MAP4K3: variants seen among roughly 807,000 people sequenced by gnomAD.
The protein encoded by MAP4K3 is mitogen-activated protein kinase kinase kinase kinase 3.
In MAP4K3, 94 loss-of-function variants were observed where a neutral mutation model predicts 143.5. That is an observed-to-expected ratio of 0.65 (90% confidence interval 0.55 to 0.78). The LOEUF (loss-of-function observed/expected upper bound fraction) is 0.78, where lower values mean the gene tolerates loss of function less well. Among genes scored for constraint, MAP4K3 ranks in the 30% least tolerant of loss-of-function variants. The pLI is 0.00. For missense variants in MAP4K3, 1,077 were observed against 1,068.1 expected, an observed-to-expected ratio of 1.01 and a Z score of -0.12; for synonymous variants, 416 against 347.2, an observed-to-expected ratio of 1.20 and a Z score of -2.20.
intron 3 of MAP4K3, among the ~76,000 whole-genome samples, chr2:39,352,540 T>C (rs1296924262): frequency 2.0e-5 from 3 of 152,214 alleles, no homozygotes; most frequent in East Asian, 3.8e-4. Context: ...TACACAAACA[T>C]ATATATTCAG....
chr2:39,405,435 C>A (rs370046737), intron 1 of MAP4K3, among the ~76,000 whole-genome samples: 1 of 152,242 alleles, frequency 6.6e-6, no homozygotes, highest in South Asian at 2.1e-4. Flanking sequence ...TCTGCAAGGC[C>A]TTCCCAAGAA....
rs193110316 is a variant in MAP4K3 at position 39,319,346 on chromosome 2, C to T, written c.919-3958G>A. Among the ~76,000 whole-genome samples, 13 of 152,082 alleles carry T rather than the reference C, an allele frequency of 8.5e-5. No homozygotes were observed. The East Asian group carries it at 2.1e-3, about 25-fold the overall frequency. ...AAAACCTTATTGTTTCTTCATTCCA[C>T]GTACAGTTTATCCTTGAACAAAAGT... On this transcript the variant is annotated intron_variant, in intron 12 of 33. Transcript: ENST00000263881.
chr2:39,380,564 G>A (rs1207432473), intron 1 of MAP4K3, among the ~76,000 whole-genome samples: 1 of 152,002 alleles, frequency 6.6e-6, no homozygotes, highest in East Asian at 1.9e-4. Context: ...TTCAGAATAT[G>A]TAACATAAAA....
chr2:39,321,997 TGTTGAACGCTG>T (rs989915391), intron 12 of MAP4K3, among the ~76,000 whole-genome samples: 7 of 152,218 alleles, frequency 4.6e-5, no homozygotes, highest in African/African-American at 1.7e-4. Flanking sequence ...ATCCTCCATA[TGTTGAACGCTG>T]GTCCCCTGGG....
At chr2:39,293,818 C>A (rs142749252) in intron 16 of MAP4K3, 3,014 of 153,358 alleles carry the variant, frequency 0.02, 46 homozygotes, top group Non-Finnish European at 0.027. Flanking sequence ...TAGCACTTTG[C>A]TTTCACGGAA....
chr2:39,285,905 T>G (rs1158185786), intron 21 of MAP4K3, among the ~76,000 whole-genome samples: 1 of 152,248 alleles, frequency 6.6e-6, no homozygotes, highest in Non-Finnish European at 1.5e-5. Flanking sequence ...TACAAATGTT[T>G]AAAATGTTTC....
chr2:39,393,751 C>T (rs982898030), intron 1 of MAP4K3, among the ~76,000 whole-genome samples: 12 of 152,060 alleles, frequency 7.9e-5, no homozygotes, highest in Admixed American at 5.2e-4. Flanking sequence ...GTTCCAGGAC[C>T]CTTGAGTGTA....
intron 12 of MAP4K3, 110 bp from the exon 13 acceptor site, chr2:39,315,498 G>A: frequency 5.6e-6 from 4 of 710,110 alleles, no homozygotes; most frequent in South Asian, 4.1e-5. Context: ...AAAAATGAAA[G>A]CAAAACAGCA....
intron 21 of MAP4K3, 92 bp from the exon 22 acceptor site, chr2:39,282,646 C>T (rs929313692): frequency 9.7e-6 from 8 of 826,680 alleles, no homozygotes; most frequent in Admixed American, 4.4e-5. Flanking sequence ...AAATAAAATA[C>T]ATGAATACAT....
intron 12 of MAP4K3, among the ~76,000 whole-genome samples, chr2:39,319,008 A>C (rs182646247): frequency 1.6e-3 from 248 of 152,260 alleles, no homozygotes; most frequent in Admixed American, 3.3e-3. Context: ...ACTTGGGATT[A>C]AAGGGTGTTA....
At chr2:39,346,764 T>C (rs1434433293) in intron 3 of MAP4K3, among the ~76,000 whole-genome samples, 4 of 152,180 alleles carry the variant, frequency 2.6e-5, no homozygotes, top group Non-Finnish European at 4.4e-5. Context: ...GCTTAAGTAA[T>C]ATTACAAATA....
Position 39,343,399 on chromosome 2 carries a change from T to C in MAP4K3, c.299A>G (p.Asp100Gly). 6.2e-7 allele frequency: 1 copy of C among 1,612,762 alleles called. No individual in the cohort carries two copies. The highest frequency in any genetic ancestry group is 8.5e-7 in the Non-Finnish European group (1 of 1,179,214). ...AACTTTGGTCTTACCGTGATAAATA[T>C]CCTGTAAAGAACCACCTCCACAAAA... The part of the protein sequence containing the change: ...MEFCGGGSLQ[D>G]IYHVTGPLSE... Residue 100 changes from aspartate (D) to glycine (G), a missense_variant, in exon 4 of 34, where the codon GAT (aspartate) becomes GGT (glycine). By Grantham distance (94) the Asp-to-Gly change is moderately conservative. Coordinates refer to ENST00000263881, the MANE Select transcript of MAP4K3 (RefSeq NM_003618.4).
intron 31 of MAP4K3, among the ~76,000 whole-genome samples, chr2:39,256,543 TTACA>T: frequency 6.6e-6 from 1 of 152,224 alleles, no homozygotes; most frequent in Non-Finnish European, 1.5e-5. Flanking sequence ...GTATTGTGTA[TTACA>T]TAAATACATT....
chr2:39,288,134 T>C lies in MAP4K3; in HGVS notation c.1461A>G (p.Lys487=). The C allele has an allele frequency of 9.9e-6, 16 of 1,613,850 alleles. No individual in the cohort carries two copies. Among genetic ancestry groups the C allele is most frequent in the Non-Finnish European group, 1.4e-5 (16 of 1,179,930 alleles). Reference sequence around the variant, plus strand: ...CTCCACCATTACCTAAGGCAACAGGTTTGTGTGGGGGTAATCTGGGAGGTG... The same window carrying C: ...CTCCACCATTACCTAAGGCAACAGGCTTGTGTGGGGGTAATCTGGGAGGTG... The part of the protein sequence containing the change: ...RPPPPRLPPH[K]PVALGNGMSS... Residue 487 remains lysine (K), a synonymous_variant, in exon 20 of 34, where the codon AAA becomes AAG. Transcript: ENST00000263881.
chr2:39,328,174 T>C (rs376234873), intron 8 of MAP4K3, among the ~76,000 whole-genome samples: 2 of 152,150 alleles, frequency 1.3e-5, no homozygotes, highest in Admixed American at 6.6e-5. Context: ...CTACCAAAAA[T>C]GCAAAAATTA....
At chr2:39,326,727 G>A (rs746149521) in intron 8 of MAP4K3, among the ~76,000 whole-genome samples, 14 of 152,164 alleles carry the variant, frequency 9.2e-5, no homozygotes, top group Middle Eastern at 3.2e-3. Context: ...TGTTGAGGGA[G>A]GGGCCTCGTA....
chr2:39,308,137 C>A, intron 14 of MAP4K3, 132 bp from the exon 15 acceptor site: 1 of 478,060 alleles, frequency 2.1e-6, no homozygotes, highest in East Asian at 3.4e-5. Context: ...GAGAGTCAAA[C>A]TGTATTAGGC....
chr2:39,257,083 G>A lies in MAP4K3; in HGVS notation c.2470+1265C>T, dbSNP rs887723629. 2.0e-5 allele frequency among the ~76,000 whole-genome samples: 3 copies of A among 152,194 alleles called. 1 individual carries two copies. The highest frequency in any genetic ancestry group is 4.4e-5 in the Non-Finnish European group (3 of 68,034). On this transcript the variant is annotated intron_variant, in intron 31 of 33. Transcript: ENST00000263881. Reference sequence around the variant, plus strand: ...TGAATGACATTCTAGTTGGGAGAATGTAGAAAACAGAACCAGGAATAAGAC... The same window carrying A: ...TGAATGACATTCTAGTTGGGAGAATATAGAAAACAGAACCAGGAATAAGAC...
In MAP4K3 at chr2:39,286,850, A is replaced by AC. The variant is rs1374057693; in HGVS notation, c.1587+1dup. The AC allele has an allele frequency of 6.3e-7, 1 of 1,586,120 alleles. No individual in the cohort carries two copies. On this transcript the variant is annotated splice_donor_variant, in intron 21 of 33. Coordinates refer to ENST00000263881, the MANE Select transcript of MAP4K3 (RefSeq NM_003618.4). LOFTEE classifies it high-confidence loss of function. Reference sequence around the variant, plus strand: ...GTAGAACTTATGACTATCAATACCTACTGGTACATCTTTCTTTTCTTTTCT... The same window carrying AC: ...GTAGAACTTATGACTATCAATACCTACCTGGTACATCTTTCTTTTCTTTTCT...
Sources: allele counts gnomAD v4.1 joint callset (sites outside exome capture counted in the v4.1 genomes callset), GRCh38; gene constraint gnomAD v4.1.1; transcripts MANE v1.5; gene names NCBI Gene and HGNC (gene_info 2026-07-23, HGNC 2026-07-21).